The following PREP variants were observed in gnomAD, a reference collection of about 807,000 sequenced individuals.
PREP encodes dJ355L5.1 (prolyl endopeptidase).
PREP carries 29 observed loss-of-function variants against 87.6 expected under a neutral mutation model. The ratio of observed to expected loss-of-function variants is 0.33; its 90% CI spans 0.25 to 0.45. The LOEUF is 0.45. PREP is among the 20% of genes least tolerant of loss of function. The pLI is 1.00. For synonymous variants in PREP, 337 were observed against 328.6 expected (o/e 1.03, Z -0.28); for missense variants, 695 against 886.5 (o/e 0.78, Z 2.74).
rs570893766 is a variant in PREP, at chr6:105,377,555, T to C, written c.121-36A>G. 1.1e-5 allele frequency: 17 copies of C among 1,602,238 alleles called. No homozygotes were observed. In the East Asian group the frequency reaches 3.6e-4, roughly 34 times the overall value. On this transcript the variant is annotated intron_variant, in intron 2 of 14. Transcript: ENST00000652536. ...ATTAAAATGGACAAAGCAAGTTAAA[T>C]ATAAAATTTTCCATGTGAAATATTA...
chr6:105,279,998 A>AT (rs1770044072), intron 14 of PREP, among the ~76,000 whole-genome samples: 1 of 152,154 alleles, frequency 6.6e-6, no homozygotes, highest in Non-Finnish European at 1.5e-5. Context: ...CTGAAAAGTA[A>AT]TAACTTTCAT....
intron 7 of PREP, among the ~76,000 whole-genome samples, chr6:105,344,639 T>A (rs754313015): frequency 2.0e-5 from 3 of 151,972 alleles, no homozygotes; most frequent in African/African-American, 7.2e-5. Flanking sequence ...ATGAGAACAC[T>A]TGGACACAGG....
intron 10 of PREP, among the ~76,000 whole-genome samples, chr6:105,306,162 A>G (rs1333503663): frequency 1.3e-5 from 2 of 152,110 alleles, no homozygotes; most frequent in Non-Finnish European, 2.9e-5. Context: ...CCTTTTTATT[A>G]TCACCAGTAA....
At chr6:105,281,929 G>C in intron 13 of PREP, 27 bp from the exon 14 acceptor site, 1 of 1,610,018 alleles carries the variant, frequency 6.2e-7, no homozygotes, top group Non-Finnish European at 8.5e-7. Context: ...GAAAGAAAAG[G>C]GAGGCAGTCT....
At chr6:105,322,349 T>C in intron 10 of PREP, 1 of 930,312 alleles carries the variant, frequency 1.1e-6, no homozygotes, top group South Asian at 5.0e-5. Context: ...ATACCTTATC[T>C]CTTAATAATC....
intron 7 of PREP, among the ~76,000 whole-genome samples, chr6:105,349,432 TCTCC>T (rs1441641962): frequency 1.3e-5 from 2 of 152,218 alleles, no homozygotes; most frequent in Non-Finnish European, 2.9e-5. Context: ...TTTAGTTTTT[TCTCC>T]CTATGTGCTT....
At chr6:105,367,176 G>C (rs1296546811) in intron 6 of PREP, among the ~76,000 whole-genome samples, 1 of 152,064 alleles carries the variant, frequency 6.6e-6, no homozygotes, top group Admixed American at 6.5e-5. Flanking sequence ...TATTTTGGTA[G>C]CATATTTATC....
intron 14 of PREP, among the ~76,000 whole-genome samples, chr6:105,280,322 A>G (rs1284861093): frequency 6.6e-6 from 1 of 152,220 alleles, no homozygotes; most frequent in Non-Finnish European, 1.5e-5. Flanking sequence ...AACTTTAGAA[A>G]CTAAAGTTAT....
Position 105,304,700 on chromosome 6 carries a change from G to A in PREP, c.1318-15806C>T, listed in dbSNP as rs544561365. ...CAAGACATAAATTAATGCCCAAACT[G>A]GACCCTACATTTCAATTAAATAATA... On this transcript the variant is annotated intron_variant, in intron 10 of 14. Coordinates refer to ENST00000652536, the MANE Select transcript of PREP (RefSeq NM_002726.5). Among the ~76,000 whole-genome samples the A allele has an allele frequency of 3.3e-5, 5 of 152,022 alleles. No individual in the cohort carries two copies. In the East Asian group the frequency reaches 9.7e-4, roughly 29 times the overall value.
intron 7 of PREP, among the ~76,000 whole-genome samples, chr6:105,335,012 T>C (rs536848691): frequency 6.6e-6 from 1 of 152,338 alleles, no homozygotes; most frequent in South Asian, 2.1e-4. Context: ...AAAATAAAAC[T>C]TGCATGGCAT....
At chr6:105,286,681 T>C (rs1267259239) in intron 11 of PREP, among the ~76,000 whole-genome samples, 2 of 151,952 alleles carry the variant, frequency 1.3e-5, no homozygotes, top group South Asian at 2.1e-4. Context: ...TTCCTGAATA[T>C]TGAGGATGAA....
In PREP at chr6:105,382,270, A is replaced by AACACACACACACAC. The variant is rs146759488; in HGVS notation, c.121-4765_121-4752dup. ...GCTAAGAGGGATTTTAAGCGTTCTC[A>AACACACACACACAC]ACACACACACACACACACACACACA... On this transcript the variant is annotated intron_variant, in intron 2 of 14. Transcript: ENST00000652536. Among the ~76,000 whole-genome samples the AACACACACACACAC allele has an allele frequency of 5.8e-3, 823 of 143,092 alleles. 11 individuals carry two copies. The highest frequency in any genetic ancestry group is 7.0e-3 in the African/African-American group (275 of 39,416). 93.9% of individuals were successfully genotyped at this position (143,092 alleles called of 152,430 possible). A position where few individuals can be genotyped will look rare whatever the true frequency, so the allele number is the denominator to read the frequency against.
chr6:105,372,286 G>A (rs528769161), intron 5 of PREP, among the ~76,000 whole-genome samples: 1 of 152,172 alleles, frequency 6.6e-6, no homozygotes, highest in South Asian at 2.1e-4. Context: ...GGGACAACAG[G>A]TACAGCAGAA....
At chr6:105,359,741 T>C (rs1772196025) in intron 6 of PREP, among the ~76,000 whole-genome samples, 1 of 152,118 alleles carries the variant, frequency 6.6e-6, no homozygotes, top group Admixed American at 6.5e-5. Flanking sequence ...TTCATCCACA[T>C]ATGACAACTG....
In PREP at chr6:105,385,568, G is replaced by A. The variant is rs185812941; in HGVS notation, c.121-8049C>T. 2.6e-4 allele frequency among the ~76,000 whole-genome samples: 39 copies of A among 152,150 alleles called. No individual in the cohort carries two copies. In the East Asian group the frequency reaches 6.2e-3, roughly 24 times the overall value. On this transcript the variant is annotated intron_variant, in intron 2 of 14. Transcript: ENST00000652536. ...CAATGACTGTGAAACAAAATGGGGG[G>A]AAAAAACCCAAGAATTAATTGCAAT...
chr6:105,402,805 C>T, intron 1 of PREP, 42 bp downstream of exon 1: 1 of 1,521,732 alleles, frequency 6.6e-7, no homozygotes, highest in South Asian at 1.2e-5. Context: ...AGGCTGGGCA[C>T]CTTTGCCCGG....
At chr6:105,334,200 A>G (rs1047803287) in intron 7 of PREP, among the ~76,000 whole-genome samples, 22 of 152,196 alleles carry the variant, frequency 1.4e-4, no homozygotes, top group African/African-American at 5.3e-4. Context: ...GAAACTTTCA[A>G]TGACTTCTCC....
At chr6:105,293,866 A>G (rs1488781223) in intron 10 of PREP, among the ~76,000 whole-genome samples, 2 of 152,240 alleles carry the variant, frequency 1.3e-5, no homozygotes, top group Admixed American at 6.5e-5. Context: ...ACAGCCATTC[A>G]AAACAGCCTA....
In PREP at chr6:105,275,386, T is replaced by C. The variant is rs1367762889; in HGVS notation, c.*2758A>G. ...CATGATTAATTGGAAAGTTTTATAATATTCCAGGTAAGTCCATAGTGAACA... is the reference window on the plus strand; with the variant it reads ...CATGATTAATTGGAAAGTTTTATAACATTCCAGGTAAGTCCATAGTGAACA... On this transcript the variant is annotated 3_prime_UTR_variant, in exon 15 of 15. Coordinates refer to ENST00000652536, the MANE Select transcript of PREP (RefSeq NM_002726.5). 2.6e-5 allele frequency among the ~76,000 whole-genome samples: 4 copies of C among 152,222 alleles called. No homozygotes were observed. Among genetic ancestry groups the C allele is most frequent in the Non-Finnish European group, 4.4e-5 (3 of 68,042 alleles).
Sources: allele counts gnomAD v4.1 joint callset (sites outside exome capture counted in the v4.1 genomes callset), GRCh38; gene constraint gnomAD v4.1.1; transcripts MANE v1.5; gene names NCBI Gene and HGNC (gene_info 2026-07-23, HGNC 2026-07-21).